The following VWA8 variants were observed in gnomAD, a reference collection of about 807,000 sequenced individuals.
VWA8 encodes the protein von Willebrand factor A domain-containing protein 8.
Under a neutral mutation model 241.5 loss-of-function variants are expected in VWA8, and 221 were observed. The observed-to-expected ratio is 0.91, with a 90% CI of 0.82 to 1.02. The LOEUF (loss-of-function observed/expected upper bound fraction) is 1.02, where lower values mean the gene tolerates loss of function less well. Ranked by LOEUF, VWA8 falls within the 50% of genes least tolerant of loss-of-function variation. The probability of loss-of-function intolerance (pLI) is 0.00; values close to 1 mark genes in which losing one functional copy is unlikely to be tolerated. For synonymous variants in VWA8, 852 were observed against 827.1 expected (o/e 1.03, Z -0.52); for missense variants, 2,322 against 2,328.7 (o/e 1.00, Z 0.06).
chr13:41,937,577 C>T (rs977162583), intron 2 of VWA8, among the ~76,000 whole-genome samples: 6 of 152,140 alleles, frequency 3.9e-5, no homozygotes, highest in East Asian at 1.9e-4. Flanking sequence ...AAGCTTTGCT[C>T]GCTTGCCTGC....
chr13:41,740,015 C>A (rs943500766), intron 21 of VWA8, among the ~76,000 whole-genome samples: 2 of 151,658 alleles, frequency 1.3e-5, no homozygotes, highest in South Asian at 2.1e-4. Flanking sequence ...CCACCATGCC[C>A]GGCTAATTTT....
chr13:41,675,652 G>A (rs2045055653), intron 35 of VWA8, among the ~76,000 whole-genome samples: 1 of 152,024 alleles, frequency 6.6e-6, no homozygotes, highest in African/African-American at 2.4e-5. Flanking sequence ...GGTGGAATCG[G>A]CACACTCTCT....
At chr13:41,949,877 A>T (rs1878043381) in intron 2 of VWA8, 59 bp downstream of exon 2, 6 of 1,077,072 alleles carry the variant, frequency 5.6e-6, no homozygotes, top group South Asian at 1.6e-5. Context: ...ATAACTTTGA[A>T]AATTCCTATA....
intron 37 of VWA8, among the ~76,000 whole-genome samples, chr13:41,628,282 C>T (rs1212685291): frequency 1.3e-5 from 2 of 152,136 alleles, no homozygotes; most frequent in African/African-American, 4.8e-5. Flanking sequence ...ATTAGTTCAG[C>T]CACCATGGAA....
intron 9 of VWA8, among the ~76,000 whole-genome samples, chr13:41,874,113 G>A (rs1873780239): frequency 6.6e-6 from 1 of 151,614 alleles, no homozygotes; most frequent in Non-Finnish European, 1.5e-5. Flanking sequence ...ATGCAGAAAA[G>A]GCCTTTGACA....
At chr13:41,879,597 C>CTTA (rs1008255579) in intron 9 of VWA8, among the ~76,000 whole-genome samples, 1 of 151,256 alleles carries the variant, frequency 6.6e-6, no homozygotes, top group African/African-American at 2.4e-5. Flanking sequence ...TTAATTTTAT[C>CTTA]TTATTATTAT....
chr13:41,648,484 T>G (rs1378336727), intron 37 of VWA8, among the ~76,000 whole-genome samples: 1 of 152,208 alleles, frequency 6.6e-6, no homozygotes, highest in Non-Finnish European at 1.5e-5. Flanking sequence ...AGTATGTTTT[T>G]GTAGAGAACA....
chr13:41,928,452 G>A (rs971452621), intron 2 of VWA8, among the ~76,000 whole-genome samples: 10 of 151,900 alleles, frequency 6.6e-5, no homozygotes, highest in African/African-American at 2.2e-4. Flanking sequence ...AAGAATCCTG[G>A]AAAATTTACA....
chr13:41,830,095 T>A (rs575782638), intron 14 of VWA8, among the ~76,000 whole-genome samples: 1 of 151,826 alleles, frequency 6.6e-6, no homozygotes, highest in South Asian at 2.1e-4. Context: ...TACAAAAAAT[T>A]AGCTGGGTGT....
chr13:41,702,162 T>C (rs1463037626), intron 27 of VWA8, among the ~76,000 whole-genome samples: 2 of 152,218 alleles, frequency 1.3e-5, no homozygotes, highest in Admixed American at 1.3e-4. Context: ...TACTTAGATA[T>C]GACTTCTTGA....
intron 37 of VWA8, among the ~76,000 whole-genome samples, chr13:41,657,866 G>C (rs995719652): frequency 3.9e-5 from 6 of 152,220 alleles, no homozygotes; most frequent in African/African-American, 1.4e-4. Flanking sequence ...ATGCAACCTG[G>C]CAATGTCATG....
chr13:41,598,979 G>A lies in VWA8; in HGVS notation c.4986+6189C>T, dbSNP rs542760067. 2.6e-5 allele frequency among the ~76,000 whole-genome samples: 4 copies of A among 152,006 alleles called. No homozygotes were observed. The East Asian group carries it at 7.7e-4, about 29-fold the overall frequency. On this transcript the variant is annotated intron_variant, in intron 40 of 44. Transcript: ENST00000379310. ...CTGGGTACGGTTTTGTTACTACTTT[G>A]GTTATTGTTTATGAATATTTTTCAG...
intron 16 of VWA8, 80 bp downstream of exon 16, chr13:41,816,618 T>C: frequency 1.5e-6 from 2 of 1,365,176 alleles, no homozygotes; most frequent in Non-Finnish European, 2.0e-6. Context: ...AAAAAATAGA[T>C]TTTAAGTACT....
intron 42 of VWA8, among the ~76,000 whole-genome samples, chr13:41,580,543 A>G (rs548207810): frequency 1.1e-4 from 16 of 152,296 alleles, no homozygotes; most frequent in African/African-American, 3.8e-4. Context: ...TGATCAAGGT[A>G]TCTTTGAGAA....
At chr13:41,740,635 G>A (rs1282530347) in intron 21 of VWA8, among the ~76,000 whole-genome samples, 1 of 152,164 alleles carries the variant, frequency 6.6e-6, no homozygotes, top group Non-Finnish European at 1.5e-5. Context: ...CCAGAATGAT[G>A]CCAAGAAGGA....
chr13:41,675,095 A>G (rs2045050962), intron 36 of VWA8, 120 bp downstream of exon 36: 1 of 550,246 alleles, frequency 1.8e-6, no homozygotes, highest in Admixed American at 3.8e-5. Context: ...CTGTAACTGG[A>G]AAAAAAAAGA....
chr13:41,628,751 G>A (rs772787960), intron 37 of VWA8, among the ~76,000 whole-genome samples: 4 of 152,042 alleles, frequency 2.6e-5, no homozygotes, highest in Non-Finnish European at 4.4e-5. Flanking sequence ...GCATAAAAAA[G>A]GGGACAACAG....
chr13:41,783,657 A>T, intron 19 of VWA8, 138 bp downstream of exon 19: 2 of 558,102 alleles, frequency 3.6e-6, no homozygotes, highest in Non-Finnish European at 6.1e-6. Context: ...AAAAAAAAAG[A>T]TGTTCAACAC....
chr13:41,787,607 T>TACAC (rs112297676), intron 17 of VWA8, 64 bp from the exon 18 acceptor site: 125,303 of 599,574 alleles, frequency 0.21, 4,796 homozygotes, highest in South Asian at 0.24. Flanking sequence ...GATTCTTAAA[T>TACAC]ACACACACAC....
Sources: gnomAD v4.1 joint callset for allele counts (sites outside exome capture counted in the v4.1 genomes callset) on GRCh38, gnomAD v4.1.1 for gene constraint, MANE v1.5 for transcripts, NCBI Gene and HGNC (gene_info 2026-07-23, HGNC 2026-07-21) for gene names.